MEGF6: variants seen among roughly 807,000 people sequenced by gnomAD.
MEGF6 encodes the protein multiple EGF like domains 6, also known as multiple epidermal growth factor-like domains protein 6.
A neutral mutation model predicts 207.1 loss-of-function variants in MEGF6; 184 were observed. The ratio of observed to expected loss-of-function variants is 0.89; its 90% CI spans 0.79 to 1.00. The LOEUF is 1.00. MEGF6 is among the 50% of genes least tolerant of loss of function. MEGF6 has a pLI of 0.00. For synonymous variants in MEGF6, 1,038 were observed against 910.0 expected (o/e 1.14, Z -2.53); for missense variants, 2,282 against 2,202.9 (o/e 1.04, Z -0.72).
chr1:3,595,264 G>A (rs974107983), intron 3 of MEGF6, 74 bp downstream of exon 3: 3 of 1,045,286 alleles, frequency 2.9e-6, no homozygotes, highest in Middle Eastern at 5.3e-4. Flanking sequence ...CCAGGCCCGG[G>A]GCAGATTCAT....
At chr1:3,579,766 G>A (rs977283767) in intron 4 of MEGF6, 59 bp downstream of exon 4, 117 of 1,271,182 alleles carry the variant, frequency 9.2e-5, no homozygotes, top group Middle Eastern at 8.1e-4. Context: ...ACACATCCTC[G>A]CCCCTTGCCC....
chr1:3,611,367 G>A lies in MEGF6; in HGVS notation c.-99C>T, dbSNP rs1352136308. 6 of 1,333,252 alleles carry A rather than the reference G, an allele frequency of 4.5e-6. No individual in the cohort carries two copies. The highest frequency in any genetic ancestry group is 5.7e-6 in the Non-Finnish European group (6 of 1,043,988). 82.6% of individuals were successfully genotyped at this position (1,333,252 alleles called of 1,614,324 possible). A position where few individuals can be genotyped will look rare whatever the true frequency, so the allele number is the denominator to read the frequency against. On this transcript the variant is annotated 5_prime_UTR_variant, in exon 1 of 37. Transcript: ENST00000356575. ...CGTGCGCCATAGGACGCAGCCACAG[G>A]TGCCCGCGCCCGCTCCGCGGAGCCC...
At chr1:3,564,880 G>C (rs907244313) in intron 4 of MEGF6, among the ~76,000 whole-genome samples, 1 of 152,032 alleles carries the variant, frequency 6.6e-6, no homozygotes, top group African/African-American at 2.4e-5. Context: ...CCACTACCAC[G>C]GTCCCGCTCT....
chr1:3,609,466 G>C (rs903988591), intron 1 of MEGF6, among the ~76,000 whole-genome samples: 2 of 152,248 alleles, frequency 1.3e-5, no homozygotes, highest in African/African-American at 2.4e-5. Flanking sequence ...GCTGGTGGAC[G>C]ATCTGTGAGC....
Position 3,576,981 on chromosome 1 carries a change from G to T in MEGF6, c.481+2844C>A, listed in dbSNP as rs867008016. ...CAGCTCTGCACACTCCATCCTGCATGCCCAGCCCTGCACACTCCACCCCTG... is the reference window on the plus strand; with the variant it reads ...CAGCTCTGCACACTCCATCCTGCATTCCCAGCCCTGCACACTCCACCCCTG... On this transcript the variant is annotated intron_variant, in intron 4 of 36. Transcript: ENST00000356575. Among the ~76,000 whole-genome samples the T allele has an allele frequency of 9.5e-5, 11 of 116,348 alleles. 1 individual carries two copies. In the South Asian group the frequency reaches 2.9e-3, roughly 31 times the overall value. The allele number at this position is 116,348 out of a possible 152,430, so 76.3% of individuals were successfully genotyped here.
At chr1:3,590,280 A>C (rs939483097) in intron 3 of MEGF6, among the ~76,000 whole-genome samples, 2 of 152,210 alleles carry the variant, frequency 1.3e-5, no homozygotes, top group African/African-American at 2.4e-5. Flanking sequence ...TGCCCAAGGT[A>C]AATGGTGCTG....
rs147537213 is a variant in MEGF6, at chr1:3,490,224, T to C, written c.*304A>G. The C allele has an allele frequency of 1.7e-5, 8 of 469,228 alleles. No homozygotes were observed. In the East Asian group the frequency reaches 3.2e-4, roughly 19 times the overall value. The allele number at this position is 469,228 out of a possible 1,614,324, so 29.1% of individuals were successfully genotyped here. On this transcript the variant is annotated 3_prime_UTR_variant, in exon 37 of 37. Transcript: ENST00000356575. ...CACTGGCGCCCACACCTGTCCTCAG[T>C]CCAACTCAGAGCCGCGGGGAGAGCG... is the stretch of plus-strand genomic sequence containing the variant.
chr1:3,497,435 G>A (rs1640659371), intron 26 of MEGF6, 74 bp from the exon 27 acceptor site: 1 of 1,444,602 alleles, frequency 6.9e-7, no homozygotes. Context: ...CAGGCCGGGA[G>A]CAGGTGCTGT....
chr1:3,538,311 T>C (rs1642395048), intron 4 of MEGF6, among the ~76,000 whole-genome samples: 1 of 150,160 alleles, frequency 6.7e-6, no homozygotes, highest in African/African-American at 2.5e-5. Flanking sequence ...ACAGAGCTTC[T>C]ATCAGGAGCA....
chr1:3,593,657 C>T (rs888058854), intron 3 of MEGF6, among the ~76,000 whole-genome samples: 2 of 151,982 alleles, frequency 1.3e-5, no homozygotes, highest in East Asian at 3.9e-4. Context: ...GGCCCCAGAA[C>T]CCCTGCCTCA....
chr1:3,490,540 T>C lies in MEGF6; in HGVS notation c.4614A>G (p.Pro1538=), dbSNP rs201964020. ...SSRPTSRSGG[P]ARH ...GGGACTGCCTCTACTAGTGCCTCGCTGGTCCACCGCTCCGGGATGTGGGTC... is the reference window on the plus strand; with the variant it reads ...GGGACTGCCTCTACTAGTGCCTCGCCGGTCCACCGCTCCGGGATGTGGGTC... The change falls in exon 37 of 37, where the codon CCA becomes CCG. Residue 1538 remains proline (P), a synonymous_variant. Coordinates refer to ENST00000356575, the MANE Select transcript of MEGF6 (RefSeq NM_001409.4). 1.6e-5 allele frequency: 26 copies of C among 1,613,196 alleles called. No homozygotes were observed. The East Asian group carries it at 4.5e-4, about 28-fold the overall frequency.
At chr1:3,524,075 G>A (rs760562304) in intron 5 of MEGF6, 49 bp downstream of exon 5, 1 of 1,589,618 alleles carries the variant, frequency 6.3e-7, no homozygotes, top group South Asian at 1.1e-5. Context: ...CCAGAGGGTA[G>A]GGATGGCTGA....
intron 4 of MEGF6, among the ~76,000 whole-genome samples, chr1:3,541,199 C>T (rs971706015): frequency 6.6e-6 from 1 of 152,258 alleles, no homozygotes; most frequent in Non-Finnish European, 1.5e-5. Flanking sequence ...CATGGCACTG[C>T]CCCGTGGGGG....
rs1434187643 is a variant in MEGF6, at chr1:3,511,766, C to T, written c.977-79G>A. 22 of 1,549,184 alleles carry T rather than the reference C, an allele frequency of 1.4e-5. No individual in the cohort carries two copies. In the East Asian group the frequency reaches 2.5e-4, roughly 18 times the overall value. ...CCTACCTTAGTTACCCCTACCTCCA[C>T]CCAGCAGCCAGCCTCGGGCCTGGGG... is the stretch of plus-strand genomic sequence containing the variant. On this transcript the variant is annotated intron_variant, in intron 8 of 36. Coordinates refer to ENST00000356575, the MANE Select transcript of MEGF6 (RefSeq NM_001409.4).
Position 3,494,053 on chromosome 1 carries a change from G to A in MEGF6, c.4201C>T (p.Pro1401Ser), listed in dbSNP as rs1640493005. The change falls in exon 33 of 37, where the codon CCC becomes TCC. Residue 1401 changes from proline to serine, a missense_variant. Coordinates refer to ENST00000356575, the MANE Select transcript of MEGF6 (RefSeq NM_001409.4). ...CWCQHGAPCDPISGRCLCPAG... is the reference protein window; with the variant it reads ...CWCQHGAPCDSISGRCLCPAG... ...GGGCAGAGGCATCGGCCACTGATGG[G>A]GTCGCAGGGGGCTCCATGTTGACAC... The A allele has an allele frequency of 6.2e-7, 1 of 1,607,212 alleles. No homozygotes were observed. The highest frequency in any genetic ancestry group is 1.3e-5 in the African/African-American group (1 of 74,824).
chr1:3,605,163 TACACCCTTACTCATACTCAGTCACAC>T (rs1644224993), intron 1 of MEGF6, among the ~76,000 whole-genome samples: 2 of 148,420 alleles, frequency 1.3e-5, no homozygotes, highest in Admixed American at 1.3e-4. Flanking sequence ...CACAGTCACA[TACACCCTTACTCATACTCAGTCACAC>T]ACACCCACAC....
chr1:3,617,145 C>G, the MEGF6 span, among the ~76,000 whole-genome samples: 1 of 141,408 alleles, frequency 7.1e-6, no homozygotes, highest in African/African-American at 2.5e-5. Flanking sequence ...ACTGCCCGCC[C>G]TCCCACCCCC....
intron 14 of MEGF6, 71 bp from the exon 15 acceptor site, chr1:3,506,307 A>G: frequency 2.6e-6 from 4 of 1,547,626 alleles, no homozygotes; most frequent in South Asian, 1.2e-5. Flanking sequence ...CCCATGTGGT[A>G]GGATGCGCGG....
intron 6 of MEGF6, among the ~76,000 whole-genome samples, chr1:3,514,948 C>T (rs375196324): frequency 1.3e-5 from 2 of 152,192 alleles, no homozygotes; most frequent in Non-Finnish European, 2.9e-5. Context: ...CAGGTGCTGG[C>T]GCTGACACCA....
Sources: allele counts gnomAD v4.1 joint callset (sites outside exome capture counted in the v4.1 genomes callset), GRCh38; gene constraint gnomAD v4.1.1; transcripts MANE v1.5; gene names NCBI Gene and HGNC (gene_info 2026-07-23, HGNC 2026-07-21).